Variants in BRME1 observed in about 807,000 individuals in gnomAD.
BRME1 encodes break repair meiotic recombinase recruitment factor 1, also known as BRCA2 and MEILB2-associating protein 1.
Under a neutral mutation model 52.6 loss-of-function variants are expected in BRME1, and 31 were observed. The observed-to-expected ratio is 0.59, with a 90% confidence interval of 0.44 to 0.80. BRME1 has a LOEUF of 0.80. BRME1 is among the 30% of genes least tolerant of loss of function. The pLI is 0.00. For synonymous variants in BRME1, 359 were observed against 353.6 expected (o/e 1.02, Z -0.17); for missense variants, 804 against 860.3 (o/e 0.93, Z 0.82).
At position 13,889,873 on chromosome 19, in the gene BRME1, C is replaced by A; in HGVS notation, c.983G>T (p.Ser328Ile). The A allele has an allele frequency of 1.2e-6, 2 of 1,613,282 alleles. No homozygotes were observed. The highest frequency in any genetic ancestry group is 1.7e-6 in the Non-Finnish European group (2 of 1,179,984). The part of the protein sequence containing the change: ...MGREGEGTHS[S>I]LGCSSLGMVV... ...CATCCCGAGGGAGGAGCATCCCAGG[C>A]TGCTATGAGTCCCTTCCCCTTCCCT... Residue 328 changes from serine to isoleucine, a missense_variant, in exon 6 of 9, where the codon AGC becomes ATC. By Grantham distance (142) the Ser-to-Ile change is moderately radical. Around this residue, in one of 3 missense-constraint regions of BRME1, gnomAD observed 552 missense variants for 561.1 expected, o/e 0.98. Transcript: ENST00000586783.
Position 13,882,440 on chromosome 19 carries a change from C to T in BRME1, c.*362G>A, listed in dbSNP as rs1968700945. 2.4e-6 allele frequency: 1 copy of T among 413,294 alleles called. No homozygotes were observed. The highest frequency in any genetic ancestry group is 4.3e-6 in the Non-Finnish European group (1 of 234,860). The allele number at this position is 413,294 out of a possible 1,614,324, so 25.6% of individuals were successfully genotyped here. A position where few individuals can be genotyped will look rare whatever the true frequency, so the allele number is the denominator to read the frequency against. Reference sequence around the variant, plus strand: ...AAGAAAACAAAGGGAGCTCTCTTCTCCTCCAGGAAAGAAACAAATTCTGAA... The same window carrying T: ...AAGAAAACAAAGGGAGCTCTCTTCTTCTCCAGGAAAGAAACAAATTCTGAA... On this transcript the variant is annotated 3_prime_UTR_variant, in exon 9 of 9. Transcript: ENST00000586783.
rs946316485 is a variant in BRME1, at chr19:13,892,871, A to G, written c.308T>C (p.Val103Ala). 6.2e-7 allele frequency: 1 copy of G among 1,613,824 alleles called. No homozygotes were observed. Among genetic ancestry groups the G allele is most frequent in the Non-Finnish European group, 8.5e-7 (1 of 1,179,658 alleles). The change falls in exon 5 of 9, where the codon GTT (valine) becomes GCT (alanine). Residue 103 changes from valine to alanine, a missense_variant. Val to Ala is a moderately conservative substitution (Grantham distance 64). Around this residue, in one of 3 missense-constraint regions of BRME1, gnomAD observed 234 missense variants for 258.1 expected, o/e 0.91. Coordinates refer to ENST00000586783, the MANE Select transcript of BRME1 (RefSeq NM_001345843.2). ...CTTCCTGGATTTTGCAAACTGGGGA[A>G]CAAACCTCCCGAATGAGTTCTGTAA... ...PPSQNSFGRFVPQFAKSRKTV... is the reference protein window; with the variant it reads ...PPSQNSFGRFAPQFAKSRKTV...
chr19:13,890,786 G>C (rs1172852924), intron 5 of BRME1, among the ~76,000 whole-genome samples: 4 of 152,130 alleles, frequency 2.6e-5, no homozygotes, highest in Admixed American at 6.5e-5. Context: ...AGAATTGTTT[G>C]AACCCGGGAG....
chr19:13,883,308 T>C lies in BRME1; in HGVS notation c.1856A>G (p.Asn619Ser), dbSNP rs1968772205. The C allele has an allele frequency of 2.0e-6, 3 of 1,532,616 alleles. No homozygotes were observed. Among genetic ancestry groups the C allele is most frequent in the Non-Finnish European group, 2.6e-6 (3 of 1,144,214 alleles). 94.9% of individuals were successfully genotyped at this position (1,532,616 alleles called of 1,614,324 possible). ...RGLIVELSNL[N>S]RLIMGTHRDL... ...CCGTGAGTCCAAGCCCACCCCGTAC[T>C]TCAGGTTGGAGAGCTCAACGATGAG... The change falls in exon 8 of 9, where the codon AAC becomes AGC. Residue 619 changes from asparagine (N) to serine (S), a missense_variant and splice_region_variant. Asn to Ser is a conservative substitution (Grantham distance 46, BLOSUM62 1). This residue lies in a region of BRME1 where 552 missense variants were observed against 561.1 expected (regional missense o/e 0.98). Coordinates refer to ENST00000586783, the MANE Select transcript of BRME1 (RefSeq NM_001345843.2). The surrounding 1 kb of genome is among the most constrained non-coding windows in gnomAD (Gnocchi z 4.2).
intron 6 of BRME1, 135 bp from the exon 7 acceptor site, chr19:13,886,190 C>T (rs945236837): frequency 4.2e-5 from 28 of 666,284 alleles, no homozygotes; most frequent in Middle Eastern, 2.9e-4. Context: ...GCTGGGACTC[C>T]TGCAGAGGAA....
chr19:13,886,424 G>A (rs932554923), intron 6 of BRME1, among the ~76,000 whole-genome samples: 4 of 152,192 alleles, frequency 2.6e-5, no homozygotes, highest in Admixed American at 6.5e-5. Flanking sequence ...CTGTCTTTAC[G>A]GGTACAGAGA....
Position 13,882,655 on chromosome 19 carries a change from G to T in BRME1, c.*147C>A. 9.5e-7 allele frequency: 1 copy of T among 1,048,972 alleles called. No individual in the cohort carries two copies. Among genetic ancestry groups the T allele is most frequent in the Non-Finnish European group, 1.4e-6 (1 of 713,606 alleles). 65.0% of individuals were successfully genotyped at this position (1,048,972 alleles called of 1,614,324 possible). A position where few individuals can be genotyped will look rare whatever the true frequency, so the allele number is the denominator to read the frequency against. ...TGGCCAGGTGAGGCCAGGACCTCAC[G>T]GCCTCCTTTGTGTTGTCCATGGAAG... On this transcript the variant is annotated 3_prime_UTR_variant, in exon 9 of 9. Transcript: ENST00000586783.
intron 6 of BRME1, 44 bp downstream of exon 6, chr19:13,889,144 G>A (rs376128927): frequency 3.7e-5 from 56 of 1,499,894 alleles, no homozygotes; most frequent in South Asian, 5.4e-5. Flanking sequence ...GAGGTTGGGT[G>A]CCTGCCCTGG....
chr19:13,891,842 G>A (rs1969529140), intron 5 of BRME1, among the ~76,000 whole-genome samples: 1 of 151,648 alleles, frequency 6.6e-6, no homozygotes, highest in Admixed American at 6.6e-5. Flanking sequence ...AGAGGCCGAG[G>A]CAGGCGGATC....
chr19:13,894,171 G>A (rs1469874565), intron 3 of BRME1, among the ~76,000 whole-genome samples: 2 of 152,088 alleles, frequency 1.3e-5, no homozygotes, highest in Non-Finnish European at 2.9e-5. Flanking sequence ...CTAGGGAAAG[G>A]AAATTGTGGA....
chr19:13,902,716 G>T (rs551850096), intron 2 of BRME1, among the ~76,000 whole-genome samples: 1 of 151,984 alleles, frequency 6.6e-6, no homozygotes, highest in African/African-American at 2.4e-5. Context: ...CAGATCACCT[G>T]AGGTTGGGAG....
chr19:13,903,565 T>A (rs144158575), intron 2 of BRME1, among the ~76,000 whole-genome samples: 2 of 148,834 alleles, frequency 1.3e-5, no homozygotes, highest in African/African-American at 2.6e-5. Context: ...CCCAGCTACT[T>A]AGGAGGCTGA....
rs1479712587 is a variant in BRME1 at position 13,883,134 on chromosome 19, G to T, written c.1856+174C>A. The stretch of plus-strand genomic sequence containing the variant: ...GGGCCTGTTGCAGCCTTTCTTCAGA[G>T]CCTGTGTTCTGCAAAGGACGGGGGA... On this transcript the variant is annotated intron_variant, in intron 8 of 8. Transcript: ENST00000586783. The surrounding 1 kb of genome is among the most constrained non-coding windows in gnomAD (Gnocchi z 4.2). Among the ~76,000 whole-genome samples the T allele has an allele frequency of 6.6e-6, 1 of 152,100 alleles. No homozygotes were observed. Among genetic ancestry groups the T allele is most frequent in the African/African-American group, 2.4e-5 (1 of 41,394 alleles).
chr19:13,904,061 C>T (rs1970479028), intron 2 of BRME1, among the ~76,000 whole-genome samples: 1 of 152,118 alleles, frequency 6.6e-6, no homozygotes, highest in African/African-American at 2.4e-5. Flanking sequence ...AAAACTTTCA[C>T]TTTTACTTTT....
chr19:13,883,419 A>G lies in BRME1; in HGVS notation c.1764-19T>C. ...GAAGGTCCTGGCCAGCAGGGAAGGA[A>G]ATTGAGAGTGGCCCGACCTCACTGG... On this transcript the variant is annotated intron_variant, in intron 7 of 8. Transcript: ENST00000586783. This position sits in a 1 kb window ranked among gnomAD's most constrained non-coding sequence, Gnocchi z 4.2. The G allele has an allele frequency of 2.0e-6, 3 of 1,520,956 alleles. No individual in the cohort carries two copies. In the South Asian group the frequency reaches 3.6e-5, roughly 18 times the overall value. 94.2% of individuals were successfully genotyped at this position (1,520,956 alleles called of 1,614,324 possible).
At chr19:13,890,569 T>A in intron 5 of BRME1, 107 bp from the exon 6 acceptor site, 1 of 1,165,254 alleles carries the variant, frequency 8.6e-7, no homozygotes, top group Non-Finnish European at 1.1e-6. Context: ...TCATTACTTT[T>A]AATGGCAAAA....
intron 2 of BRME1, among the ~76,000 whole-genome samples, chr19:13,903,250 T>C (rs970012594): frequency 6.6e-6 from 1 of 152,160 alleles, no homozygotes; most frequent in African/African-American, 2.4e-5. Flanking sequence ...TTCTTCACCT[T>C]GGAGGACATT....
intron 2 of BRME1, among the ~76,000 whole-genome samples, chr19:13,896,024 C>T (rs1265847003): frequency 1.3e-5 from 2 of 152,232 alleles, no homozygotes; most frequent in African/African-American, 4.8e-5. Flanking sequence ...AATCCCAGCA[C>T]TTTGGGAGGC....
chr19:13,882,388 A>C lies in BRME1; in HGVS notation c.*414T>G. ...AGAATCATTTATTATGGGTCTTCCC[A>C]GAAGAAATAAAATGGAAATGGGGAG... On this transcript the variant is annotated 3_prime_UTR_variant, in exon 9 of 9. Transcript: ENST00000586783. 1 of 409,152 alleles carries C rather than the reference A, an allele frequency of 2.4e-6. No individual in the cohort carries two copies. Among genetic ancestry groups the C allele is most frequent in the Non-Finnish European group, 4.3e-6 (1 of 232,490 alleles). 25.3% of individuals were successfully genotyped at this position (409,152 alleles called of 1,614,324 possible).
Sources: gnomAD v4.1 joint callset for allele counts (sites outside exome capture counted in the v4.1 genomes callset) on GRCh38, gnomAD v4.1.1 for gene constraint, gnomAD v4.1.1 regional missense constraint, Gnocchi (gnomAD v3.1) non-coding constraint, MANE v1.5 for transcripts, NCBI Gene and HGNC (gene_info 2026-07-23, HGNC 2026-07-21) for gene names.